The following CCDC191 variants were observed in gnomAD, a reference collection of about 807,000 sequenced individuals.
The protein encoded by CCDC191 is coiled-coil domain-containing protein 191.
In CCDC191, 99 loss-of-function variants were observed where a neutral mutation model predicts 114.0. That is an observed-to-expected ratio of 0.87 (90% CI 0.74 to 1.03). CCDC191 has a LOEUF of 1.03. Ranked by LOEUF, CCDC191 falls within the 50% of genes least tolerant of loss-of-function variation. CCDC191 has a pLI of 0.00. For missense variants in CCDC191, 973 were observed against 1,087.0 expected, an observed-to-expected ratio of 0.90 and a Z score of 1.47; for synonymous variants, 351 against 376.0, an observed-to-expected ratio of 0.93 and a Z score of 0.77.
At position 113,980,768 on chromosome 3, in the gene CCDC191, A is replaced by T; in HGVS notation, c.2189T>A (p.Ile730Asn). ...TGCTTCCAGCTGCTGGTTCCTCTTA[A>T]TTCTCTTCTGCTTCTCAAGTTCTTT... ...KMKELEKQKR[I>N]KRNQQLEAIA... Residue 730 changes from isoleucine to asparagine, a missense_variant, in exon 14 of 17, where the codon ATT (isoleucine) becomes AAT (asparagine). Ile to Asn is a moderately radical substitution (Grantham distance 149). Transcript: ENST00000295878. 6.2e-7 allele frequency: 1 copy of T among 1,607,866 alleles called. No homozygotes were observed. Among genetic ancestry groups the T allele is most frequent in the Non-Finnish European group, 8.5e-7 (1 of 1,178,360 alleles).
intron 8 of CCDC191, among the ~76,000 whole-genome samples, chr3:114,014,415 G>A (rs895239944): frequency 1.2e-4 from 18 of 152,150 alleles, no homozygotes; most frequent in Admixed American, 8.5e-4. Context: ...GTGAGCAGAG[G>A]GAAGGACAAT....
intron 8 of CCDC191, among the ~76,000 whole-genome samples, chr3:114,016,861 C>T (rs946997584): frequency 3.9e-5 from 6 of 152,186 alleles, no homozygotes; most frequent in Non-Finnish European, 7.3e-5. Context: ...ACTCACATTG[C>T]ATCCACTTTA....
At chr3:114,040,156 T>C (rs921178584) in intron 4 of CCDC191, among the ~76,000 whole-genome samples, 4 of 152,222 alleles carry the variant, frequency 2.6e-5, no homozygotes, top group Admixed American at 6.5e-5. Flanking sequence ...TTGTGTTCCA[T>C]TGCCTGTAGT....
intron 5 of CCDC191, 151 bp from the exon 6 acceptor site, chr3:114,035,299 C>T (rs1351064459): frequency 1.6e-6 from 1 of 616,896 alleles, no homozygotes; most frequent in Non-Finnish European, 2.8e-6. Flanking sequence ...AGGAGGAATT[C>T]ATCTGTTTAC....
At chr3:114,051,112 C>A (rs571611600) in intron 2 of CCDC191, among the ~76,000 whole-genome samples, 26 of 152,234 alleles carry the variant, frequency 1.7e-4, no homozygotes, top group African/African-American at 6.0e-4. Flanking sequence ...ATCGTGACCC[C>A]GAACCATGTC....
At chr3:113,980,827 A>G in intron 13 of CCDC191, 34 bp from the exon 14 acceptor site, 1 of 1,571,396 alleles carries the variant, frequency 6.4e-7, no homozygotes, top group Non-Finnish European at 8.6e-7. Flanking sequence ...TGCTATGATC[A>G]AAAAACGAAT....
chr3:114,006,936 TG>T, intron 9 of CCDC191, among the ~76,000 whole-genome samples: 1 of 151,200 alleles, frequency 6.6e-6, no homozygotes, highest in East Asian at 1.9e-4. Flanking sequence ...TCAGGATCAC[TG>T]GGCAAATATC....
At chr3:114,012,972 A>G (rs1250959140) in intron 8 of CCDC191, among the ~76,000 whole-genome samples, 3 of 152,244 alleles carry the variant, frequency 2.0e-5, no homozygotes, top group Admixed American at 2.0e-4. Context: ...GTAGTTGGCC[A>G]GGCGCAGTGG....
intron 9 of CCDC191, among the ~76,000 whole-genome samples, chr3:114,007,151 A>C (rs915726774): frequency 2.0e-5 from 3 of 152,258 alleles, no homozygotes; most frequent in Admixed American, 2.0e-4. Context: ...GAAGGAAACA[A>C]GAATTTTTAT....
At chr3:113,990,486 G>C (rs2075520291) in intron 13 of CCDC191, among the ~76,000 whole-genome samples, 1 of 151,896 alleles carries the variant, frequency 6.6e-6, no homozygotes, top group Non-Finnish European at 1.5e-5. Flanking sequence ...AGGGATAAAA[G>C]ACTACAAATT....
In CCDC191 at chr3:114,035,078, G is replaced by T. The variant is rs775836695; in HGVS notation, c.665C>A (p.Ser222Ter). The T allele has an allele frequency of 2.5e-6, 4 of 1,613,870 alleles. No individual in the cohort carries two copies. In the South Asian group the frequency reaches 3.3e-5, roughly 13 times the overall value. Reference sequence around the variant, plus strand: ...CAGACACTGAGCCTCCAAGAAGGCCGATTTTTTCAGGGTCTTTTCTATTCT... The same window carrying T: ...CAGACACTGAGCCTCCAAGAAGGCCTATTTTTTCAGGGTCTTTTCTATTCT... ...YQRIEKTLKKSAFLEAQCLVQ... is the reference protein window; with the variant it reads ...YQRIEKTLKK Residue 222 changes from serine to a stop codon, truncating the protein, a stop_gained, in exon 6 of 17, where the codon TCG becomes TAG. Transcript: ENST00000295878. LOFTEE classifies it high-confidence loss of function.
chr3:114,005,454 A>G, intron 10 of CCDC191, 54 bp downstream of exon 10: 2 of 1,511,890 alleles, frequency 1.3e-6, no homozygotes, highest in South Asian at 1.3e-5. Flanking sequence ...TCAGGAGCCC[A>G]AAGTGAAAAA....
chr3:113,966,533 C>T (rs1261321359), intron 16 of CCDC191, among the ~76,000 whole-genome samples: 1 of 152,068 alleles, frequency 6.6e-6, no homozygotes, highest in Non-Finnish European at 1.5e-5. Flanking sequence ...TTTTGTCAGG[C>T]AAAGAAAAGG....
At chr3:114,039,658 T>C (rs1451627360) in intron 4 of CCDC191, among the ~76,000 whole-genome samples, 2 of 152,066 alleles carry the variant, frequency 1.3e-5, no homozygotes, top group Non-Finnish European at 1.5e-5. Context: ...GATAGTGATA[T>C]TGATGATCCT....
intron 13 of CCDC191, among the ~76,000 whole-genome samples, chr3:113,992,990 G>T (rs2075617642): frequency 6.6e-6 from 1 of 152,300 alleles, no homozygotes; most frequent in East Asian, 1.9e-4. Flanking sequence ...GGGATGCAAG[G>T]ATGGTTCAAT....
chr3:113,994,890 T>C (rs755350115), intron 13 of CCDC191, among the ~76,000 whole-genome samples: 2 of 152,122 alleles, frequency 1.3e-5, no homozygotes, highest in Non-Finnish European at 2.9e-5. Flanking sequence ...TGAAAACTTA[T>C]GAGTCCAAAC....
intron 16 of CCDC191, among the ~76,000 whole-genome samples, chr3:113,974,507 A>G (rs1464879340): frequency 6.6e-6 from 1 of 151,834 alleles, no homozygotes; most frequent in African/African-American, 2.4e-5. Flanking sequence ...TTTAGTAGAG[A>G]GGGGGTTTCA....
chr3:113,991,109 G>T (rs1332946038), intron 13 of CCDC191, among the ~76,000 whole-genome samples: 1 of 151,734 alleles, frequency 6.6e-6, no homozygotes, highest in Admixed American at 6.6e-5. Context: ...GGTGGCGCAT[G>T]CCTCTAATCC....
chr3:113,978,539 A>G (rs1411272510), intron 15 of CCDC191: 3 of 612,440 alleles, frequency 4.9e-6, no homozygotes, highest in Non-Finnish European at 8.4e-6. Context: ...AGAAACAGTT[A>G]TAAGATTGAA....
Sources: allele counts gnomAD v4.1 joint callset (sites outside exome capture counted in the v4.1 genomes callset), GRCh38; gene constraint gnomAD v4.1.1; transcripts MANE v1.5; gene names NCBI Gene and HGNC (gene_info 2026-07-23, HGNC 2026-07-21).